Variants in FRMD6 observed in about 807,000 individuals in gnomAD.
FRMD6 encodes FERM domain-containing protein 6.
FRMD6 carries 37 observed loss-of-function variants against 73.2 expected under a neutral mutation model. The observed-to-expected ratio is 0.51, with a 90% CI of 0.39 to 0.66. The LOEUF (loss-of-function observed/expected upper bound fraction) is 0.66. FRMD6 is among the 30% of genes least tolerant of loss of function. The probability of loss-of-function intolerance (pLI) is 0.00; values close to 1 mark genes in which losing one functional copy is unlikely to be tolerated. For missense variants in FRMD6, 714 were observed against 780.5 expected, an observed-to-expected ratio of 0.91 and a Z score of 1.02; for synonymous variants, 273 against 282.2, an observed-to-expected ratio of 0.97 and a Z score of 0.33.
At chr14:51,600,751 T>C (rs927243095) in intron 2 of FRMD6, among the ~76,000 whole-genome samples, 8 of 152,242 alleles carry the variant, frequency 5.3e-5, no homozygotes, top group African/African-American at 1.7e-4. Flanking sequence ...GAGAAAAATG[T>C]TTTTAAAAGT....
intron 1 of FRMD6, among the ~76,000 whole-genome samples, chr14:51,506,434 GA>G (rs1883968037): frequency 6.6e-6 from 1 of 152,234 alleles, no homozygotes; most frequent in Non-Finnish European, 1.5e-5. Context: ...AGAGATTACA[GA>G]AGGTGCCAGA....
At chr14:51,478,099 GATA>G in the FRMD6 span, among the ~76,000 whole-genome samples, 1 of 152,160 alleles carries the variant, frequency 6.6e-6, no homozygotes, top group Non-Finnish European at 1.5e-5. Context: ...AAAAAAATGA[GATA>G]ATGTTTTCTG....
intron 1 of FRMD6, among the ~76,000 whole-genome samples, chr14:51,502,566 T>C (rs1281261566): frequency 1.3e-5 from 2 of 152,210 alleles, no homozygotes; most frequent in Non-Finnish European, 2.9e-5. Context: ...ATGTGTCTGC[T>C]CTTGTACAAG....
the FRMD6 span, among the ~76,000 whole-genome samples, chr14:51,416,958 A>G: frequency 6.6e-6 from 1 of 151,868 alleles, no homozygotes; most frequent in African/African-American, 2.4e-5. Flanking sequence ...CTGTTTTATC[A>G]GAGACTAGTA....
intron 1 of FRMD6, among the ~76,000 whole-genome samples, chr14:51,535,369 C>T (rs1473964027): frequency 1.3e-5 from 2 of 152,206 alleles, no homozygotes; most frequent in African/African-American, 4.8e-5. Context: ...TCTCCCCTCA[C>T]CCCATCCCTA....
At chr14:51,625,914 CCTGT>C (rs1361408489) in intron 2 of FRMD6, among the ~76,000 whole-genome samples, 2 of 152,164 alleles carry the variant, frequency 1.3e-5, no homozygotes, top group African/African-American at 2.4e-5. Flanking sequence ...GTTTTATTGA[CCTGT>C]CTGTCTCCCC....
intron 12 of FRMD6, among the ~76,000 whole-genome samples, chr14:51,722,943 A>G (rs1314430713): frequency 1.3e-5 from 2 of 152,220 alleles, no homozygotes; most frequent in Non-Finnish European, 2.9e-5. Flanking sequence ...TCAGAGAGGA[A>G]CCAGACCGAT....
rs574213025 is a variant in FRMD6, at chr14:51,672,759, T to C, written c.-146-16932T>C. 2.0e-5 allele frequency among the ~76,000 whole-genome samples: 3 copies of C among 152,348 alleles called. No homozygotes were observed. The East Asian group carries it at 5.8e-4, about 29-fold the overall frequency. On this transcript the variant is annotated intron_variant, in intron 1 of 13. Transcript: ENST00000344768. ...TTGGAAGTTTGTCTTTTAACAGATT[T>C]GTCCATCTTATCTATGTTTTCGAAT...
At chr14:51,463,610 C>T in the FRMD6 span, among the ~76,000 whole-genome samples, 6 of 152,292 alleles carry the variant, frequency 3.9e-5, no homozygotes, top group African/African-American at 1.2e-4. Flanking sequence ...ATTGGCAAGG[C>T]CAGAACCTCT....
intron 2 of FRMD6, among the ~76,000 whole-genome samples, chr14:51,644,125 T>C (rs1891940773): frequency 6.6e-6 from 1 of 151,912 alleles, no homozygotes; most frequent in African/African-American, 2.4e-5. Flanking sequence ...AAATATACAA[T>C]AAGGAACATC....
At chr14:51,690,664 G>A in intron 2 of FRMD6, among the ~76,000 whole-genome samples, 1 of 152,210 alleles carries the variant, frequency 6.6e-6, no homozygotes, top group East Asian at 1.9e-4. Context: ...TTACAGGCGT[G>A]AGCCACCGCG....
At chr14:51,614,088 A>G (rs1890618128) in intron 2 of FRMD6, among the ~76,000 whole-genome samples, 2 of 152,036 alleles carry the variant, frequency 1.3e-5, no homozygotes, top group South Asian at 4.1e-4. Context: ...GGCACTTCCC[A>G]CTCTTCTGCC....
intron 1 of FRMD6, among the ~76,000 whole-genome samples, chr14:51,498,681 G>A (rs1364722739): frequency 6.6e-6 from 1 of 152,104 alleles, no homozygotes; most frequent in East Asian, 1.9e-4. Context: ...TGTTCTGAGA[G>A]TACAGTACAA....
chr14:51,718,844 G>A (rs983949000), intron 10 of FRMD6, among the ~76,000 whole-genome samples: 5 of 151,952 alleles, frequency 3.3e-5, no homozygotes, highest in Admixed American at 1.3e-4. Flanking sequence ...CCTAGAAGGC[G>A]CATCTTTTCT....
intron 1 of FRMD6, among the ~76,000 whole-genome samples, chr14:51,538,108 T>C (rs1440549486): frequency 6.6e-6 from 1 of 152,214 alleles, no homozygotes; most frequent in Non-Finnish European, 1.5e-5. Flanking sequence ...TTTTCTCTTG[T>C]GTTTTCTTCC....
chr14:51,556,215 C>G (rs749648004), intron 1 of FRMD6, among the ~76,000 whole-genome samples: 2 of 152,252 alleles, frequency 1.3e-5, no homozygotes, highest in Non-Finnish European at 2.9e-5. Flanking sequence ...ATCTTGATTA[C>G]TGCTTCCTTT....
At chr14:51,626,657 G>A (rs901806989) in intron 2 of FRMD6, among the ~76,000 whole-genome samples, 1 of 152,166 alleles carries the variant, frequency 6.6e-6, no homozygotes, top group Non-Finnish European at 1.5e-5. Flanking sequence ...TTATCATGAG[G>A]TCTAGTTAGA....
At chr14:51,435,818 T>A in the FRMD6 span, among the ~76,000 whole-genome samples, 17 of 152,304 alleles carry the variant, frequency 1.1e-4, no homozygotes, top group African/African-American at 3.9e-4. Context: ...ACACAAAAAA[T>A]GTTTGAGGTG....
the FRMD6 span, among the ~76,000 whole-genome samples, chr14:51,424,741 G>T: frequency 1.3e-5 from 2 of 152,262 alleles, no homozygotes; most frequent in South Asian, 2.1e-4. Context: ...TAAAAAAGTT[G>T]GTGTGTATTG....
Sources: gnomAD v4.1 joint callset for allele counts (sites outside exome capture counted in the v4.1 genomes callset) on GRCh38, gnomAD v4.1.1 for gene constraint, MANE v1.5 for transcripts, NCBI Gene and HGNC (gene_info 2026-07-23, HGNC 2026-07-21) for gene names.